HDAC5: variants seen among roughly 807,000 people sequenced by gnomAD.
The protein encoded by HDAC5 is histone deacetylase 5, also known as antigen NY-CO-9.
Under a neutral mutation model 133.3 loss-of-function variants are expected in HDAC5, and 25 were observed. The observed-to-expected ratio is 0.19, with a 90% CI of 0.14 to 0.26. The LOEUF (loss-of-function observed/expected upper bound fraction) is 0.26, where lower values mean the gene tolerates loss of function less well. HDAC5 is among the 10% of genes least tolerant of loss of function. HDAC5 has a pLI of 1.00. For synonymous variants in HDAC5, 589 were observed against 610.8 expected, an observed-to-expected ratio of 0.96 and a Z score of 0.53; for missense variants, 1,041 against 1,460.5, an observed-to-expected ratio of 0.71 and a Z score of 4.68.
intron 2 of HDAC5, among the ~76,000 whole-genome samples, chr17:44,113,952 T>C (rs2052489683): frequency 6.6e-6 from 1 of 152,202 alleles, no homozygotes; most frequent in Non-Finnish European, 1.5e-5. Context: ...TCCTGTTCTT[T>C]CCTGCCCTTC....
chr17:44,081,982 G>A (rs1427860246), intron 20 of HDAC5: 1 of 152,214 alleles, frequency 6.6e-6, no homozygotes, highest in African/African-American at 2.4e-5. Flanking sequence ...GCTTGGTCCT[G>A]GCTACTTCCC....
In HDAC5 at chr17:44,086,629, C is replaced by T; in HGVS notation, c.1993G>A (p.Ala665Thr). 7.7e-7 allele frequency: 1 copy of T among 1,303,032 alleles called. No homozygotes were observed. Among genetic ancestry groups the T allele is most frequent in the East Asian group, 2.8e-5 (1 of 35,402 alleles). The allele number at this position is 1,303,032 out of a possible 1,614,324, so 80.7% of individuals were successfully genotyped here. Residue 665 changes from alanine (A) to threonine (T), a missense_variant, in exon 14 of 27, where the codon GCC becomes ACC. By Grantham distance (58) the Ala-to-Thr change is moderately conservative. This residue lies in a region of HDAC5 where 433 missense variants were observed against 531.6 expected (regional missense o/e 0.81). Transcript: ENST00000682912. The stretch of plus-strand genomic sequence containing the variant: ...GGGGGGCTCTTCATGCCCCCAGGGG[C>T]AGCAGGGGAGGACTGGGTACGGCCC... ...ALGRTQSSPA[A>T]PGGMKSPPDQ... is the part of the protein sequence containing the mutation.
intron 3 of HDAC5, among the ~76,000 whole-genome samples, chr17:44,101,241 T>C (rs1245232456): frequency 1.3e-5 from 2 of 149,702 alleles, no homozygotes; most frequent in African/African-American, 4.9e-5. Context: ...CCGTCTCTAC[T>C]AAAAACACAA....
chr17:44,105,759 T>C (rs1414595655), intron 3 of HDAC5, among the ~76,000 whole-genome samples: 1 of 152,184 alleles, frequency 6.6e-6, no homozygotes, highest in Non-Finnish European at 1.5e-5. Flanking sequence ...TCCTCCTGTA[T>C]AGGCCCTTCT....
intron 24 of HDAC5, 47 bp from the exon 25 acceptor site, chr17:44,078,926 C>A: frequency 1.3e-6 from 2 of 1,590,390 alleles, no homozygotes; most frequent in South Asian, 1.1e-5. Flanking sequence ...GTAGGGTTGC[C>A]ATGCATACCC....
At chr17:44,088,632 G>T in intron 11 of HDAC5, 34 bp from the exon 12 acceptor site, 1 of 1,594,404 alleles carries the variant, frequency 6.3e-7, no homozygotes, top group East Asian at 2.3e-5. Context: ...AAGCACCATT[G>T]TCAGGGCACC....
rs1170456582 is a variant in HDAC5 at position 44,077,287 on chromosome 17, G to T, written c.*1089C>A. ...AGGGACAGCGCCCAGCCCCCTCCTGGTCTTAGCTCCCTTGGGCTGGTGGTC... is the reference window on the plus strand; with the variant it reads ...AGGGACAGCGCCCAGCCCCCTCCTGTTCTTAGCTCCCTTGGGCTGGTGGTC... On this transcript the variant is annotated 3_prime_UTR_variant, in exon 27 of 27. Coordinates refer to ENST00000682912, the MANE Select transcript of HDAC5 (RefSeq NM_005474.5). 1 of 152,648 alleles carries T rather than the reference G, an allele frequency of 6.6e-6. No homozygotes were observed. The highest frequency in any genetic ancestry group is 1.5e-5 in the Non-Finnish European group (1 of 68,106). 9.5% of individuals were successfully genotyped at this position (152,648 alleles called of 1,614,324 possible). A position where few individuals can be genotyped will look rare whatever the true frequency, so the allele number is the denominator to read the frequency against.
rs762331993 is a variant in HDAC5 at position 44,110,701 on chromosome 17, G to C, written c.94+28C>G. ...AGGGACAAGGATGCCAGATGACAGAGGGCAGGCAGGGACATCAAGGCACTT... is the reference window on the plus strand; with the variant it reads ...AGGGACAAGGATGCCAGATGACAGACGGCAGGCAGGGACATCAAGGCACTT... On this transcript the variant is annotated intron_variant, in intron 3 of 26. Transcript: ENST00000682912. 9 of 1,588,126 alleles carry C rather than the reference G, an allele frequency of 5.7e-6. No homozygotes were observed. The African/African-American group carries it at 1.2e-4, about 21-fold the overall frequency.
At chr17:44,082,736 G>A (rs768086137) in intron 19 of HDAC5, 29 bp downstream of exon 19, 3 of 1,602,446 alleles carry the variant, frequency 1.9e-6, no homozygotes, top group East Asian at 2.2e-5. Context: ...GACAGGAAGG[G>A]GCGAGGGCAG....
chr17:44,091,940 T>C lies in HDAC5; in HGVS notation c.1033-109A>G, dbSNP rs111499977. ...TCTCTGAATGGTGCCCAGTTCCCTC[T>C]ACCCTGAGCTCCCACTGAGGGAGAC... On this transcript the variant is annotated intron_variant, in intron 9 of 26. Coordinates refer to ENST00000682912, the MANE Select transcript of HDAC5 (RefSeq NM_005474.5). The C allele has an allele frequency of 6.6e-4, 861 of 1,301,388 alleles. 2 individuals carry two copies. In the African/African-American group the frequency reaches 7.5e-3, roughly 11 times the overall value. 80.6% of individuals were successfully genotyped at this position (1,301,388 alleles called of 1,614,324 possible). A position where few individuals can be genotyped will look rare whatever the true frequency, so the allele number is the denominator to read the frequency against.
chr17:44,092,293 G>A lies in HDAC5; in HGVS notation c.920-9C>T. ...GTTACACACGGACGACGCTATAGGAGAAGTGGCTGTCACCTGGGCCTGCTG... is the reference window on the plus strand; with the variant it reads ...GTTACACACGGACGACGCTATAGGAAAAGTGGCTGTCACCTGGGCCTGCTG... On this transcript the variant is annotated splice_polypyrimidine_tract_variant and intron_variant, in intron 8 of 26. Coordinates refer to ENST00000682912, the MANE Select transcript of HDAC5 (RefSeq NM_005474.5). The A allele has an allele frequency of 6.2e-7, 1 of 1,613,892 alleles. No homozygotes were observed. The highest frequency in any genetic ancestry group is 8.5e-7 in the Non-Finnish European group (1 of 1,179,892).
intron 3 of HDAC5, among the ~76,000 whole-genome samples, chr17:44,101,891 G>A (rs577352316): frequency 6.6e-6 from 1 of 152,138 alleles, no homozygotes; most frequent in Non-Finnish European, 1.5e-5. Context: ...GGTAGGGGGA[G>A]GGGGGCAGGG....
At chr17:44,113,373 C>T in intron 2 of HDAC5, among the ~76,000 whole-genome samples, 1 of 152,286 alleles carries the variant, frequency 6.6e-6, no homozygotes, top group Middle Eastern at 3.4e-3. Flanking sequence ...CAGCCTCCAA[C>T]AAGTAGGAAG....
chr17:44,086,871 C>T lies in HDAC5; in HGVS notation c.1885-134G>A, dbSNP rs918303412. The T allele has an allele frequency of 9.3e-5, 51 of 546,614 alleles. 1 individual carries two copies. Among genetic ancestry groups the T allele is most frequent in the Non-Finnish European group, 2.8e-6 (1 of 359,162 alleles). 33.9% of individuals were successfully genotyped at this position (546,614 alleles called of 1,614,324 possible). On this transcript the variant is annotated intron_variant, in intron 13 of 26. Transcript: ENST00000682912. ...AGTCTCCTTCCCCCACCTCCTCCCA[C>T]TTGCTCCCTCCAGGGACAGGAGACA... is the stretch of plus-strand genomic sequence containing the variant.
At chr17:44,092,917 G>C in intron 6 of HDAC5, 111 bp from the exon 7 acceptor site, 4 of 657,828 alleles carry the variant, frequency 6.1e-6, no homozygotes, top group Non-Finnish European at 1.0e-5. Context: ...TATAGGAAGA[G>C]GACGTGGATC....
chr17:44,108,750 C>CA lies in HDAC5; in HGVS notation c.94+1978_94+1979insT, dbSNP rs1567683395. The stretch of plus-strand genomic sequence containing the variant: ...GAAACATCTATTTACATTCCAGAGT[C>CA]CAAAAAAAAAACAAAAAAAAAACAA... On this transcript the variant is annotated intron_variant, in intron 3 of 26. Coordinates refer to ENST00000682912, the MANE Select transcript of HDAC5 (RefSeq NM_005474.5). 4.1e-3 allele frequency among the ~76,000 whole-genome samples: 308 copies of CA among 75,762 alleles called. 2 individuals carry two copies. Among genetic ancestry groups the CA allele is most frequent in the Non-Finnish European group, 5.0e-3 (183 of 36,856 alleles). The allele number at this position is 75,762 out of a possible 152,430, so 49.7% of individuals were successfully genotyped here. A position where few individuals can be genotyped will look rare whatever the true frequency, so the allele number is the denominator to read the frequency against.
chr17:44,078,934 C>T, intron 24 of HDAC5, 55 bp from the exon 25 acceptor site: 1 of 1,576,028 alleles, frequency 6.3e-7, no homozygotes, highest in Non-Finnish European at 8.7e-7. Flanking sequence ...GCCATGCATA[C>T]CCCTCTAACT....
intron 20 of HDAC5, chr17:44,082,379 A>G (rs1292360375): frequency 1.7e-6 from 1 of 588,112 alleles, no homozygotes. Flanking sequence ...AATGTCTTTC[A>G]TAGTTGAGGA....
At chr17:44,115,244 G>A (rs1384045948) in intron 2 of HDAC5, among the ~76,000 whole-genome samples, 1 of 152,200 alleles carries the variant, frequency 6.6e-6, no homozygotes, top group Admixed American at 6.5e-5. Context: ...TTACTCTGGG[G>A]AAAGAGGAGC....
Sources: gnomAD v4.1 joint callset for allele counts (sites outside exome capture counted in the v4.1 genomes callset) on GRCh38, gnomAD v4.1.1 for gene constraint, gnomAD v4.1.1 regional missense constraint, MANE v1.5 for transcripts, NCBI Gene and HGNC (gene_info 2026-07-23, HGNC 2026-07-21) for gene names.